The following SLIT1 variants were observed in gnomAD, a reference collection of about 807,000 sequenced individuals.
SLIT1 encodes the protein slit guidance ligand 1.
In SLIT1, 66 loss-of-function variants were observed where a neutral mutation model predicts 186.1. The observed-to-expected ratio is 0.35, with a 90% CI of 0.29 to 0.44. The LOEUF is 0.44. SLIT1 is among the 20% of genes least tolerant of loss of function. The pLI is 1.00. For missense variants in SLIT1, 1,638 were observed against 2,037.4 expected (o/e 0.80, Z 3.77); for synonymous variants, 761 against 833.8 (o/e 0.91, Z 1.50).
chr10:97,036,072 G>A (rs140442161), intron 22 of SLIT1, among the ~76,000 whole-genome samples: 18 of 152,288 alleles, frequency 1.2e-4, no homozygotes, highest in African/African-American at 2.6e-4. Flanking sequence ...AGGGGGCCAT[G>A]ACTTCGGGGC....
chr10:97,155,682 A>G (rs1849941072), intron 4 of SLIT1, among the ~76,000 whole-genome samples: 1 of 152,214 alleles, frequency 6.6e-6, no homozygotes, highest in Non-Finnish European at 1.5e-5. Context: ...GTAGAGGGCA[A>G]CGGATCACTA....
intron 4 of SLIT1, chr10:97,157,406 G>A (rs983665949): frequency 5.5e-6 from 1 of 183,330 alleles, no homozygotes; most frequent in Admixed American, 6.0e-5. Context: ...AGAAAGAGCT[G>A]AAAATAGAAA....
intron 31 of SLIT1, among the ~76,000 whole-genome samples, chr10:97,009,413 G>A (rs1848392361): frequency 6.6e-6 from 1 of 152,190 alleles, no homozygotes; most frequent in South Asian, 2.1e-4. Flanking sequence ...GACAAATAGT[G>A]CTAGTACAAC....
At position 97,039,968 on chromosome 10, in the gene SLIT1, C is replaced by A; in HGVS notation, c.2297+20G>T. 1 of 1,612,608 alleles carries A rather than the reference C, an allele frequency of 6.2e-7. No individual in the cohort carries two copies. The highest frequency in any genetic ancestry group is 8.5e-7 in the Non-Finnish European group (1 of 1,179,334). ...GTCCTGTGGACCCACGTGAAGGGGG[C>A]AAGGCCTTGAGCTACTCACAGTTCT... is the stretch of plus-strand genomic sequence containing the variant. On this transcript the variant is annotated intron_variant, in intron 21 of 36. Transcript: ENST00000266058.
At chr10:97,042,029 C>T (rs1848694579) in intron 20 of SLIT1, among the ~76,000 whole-genome samples, 1 of 151,928 alleles carries the variant, frequency 6.6e-6, no homozygotes, top group Admixed American at 6.5e-5. Flanking sequence ...ATAGTATAGA[C>T]TCTTTTTTAA....
Position 97,006,762 on chromosome 10 carries a change from GGGAGT to G in SLIT1, c.3342-47_3342-43del. The G allele has an allele frequency of 8.7e-6, 12 of 1,377,684 alleles. No individual in the cohort carries two copies. The highest frequency in any genetic ancestry group is 1.4e-5 in the African/African-American group (1 of 70,348). 85.3% of individuals were successfully genotyped at this position (1,377,684 alleles called of 1,614,324 possible). On this transcript the variant is annotated intron_variant, in intron 31 of 36. Transcript: ENST00000266058. The surrounding 1 kb of genome is among the most constrained non-coding windows in gnomAD (Gnocchi z 4.0). ...TAAGTCAGAGAGGGCCAAGGAGGAA[GGGAGT>G]ATCTTCCTCTCCCACAGCCCTGGAG...
rs778453079 is a variant in SLIT1, at chr10:97,042,952, G to A, written c.2113C>T (p.Arg705Trp). 14 of 1,614,090 alleles carry A rather than the reference G, an allele frequency of 8.7e-6. No homozygotes were observed. The highest frequency in any genetic ancestry group is 7.7e-5 in the South Asian group (7 of 91,084). The change falls in exon 20 of 37, where the codon CGG becomes TGG. Residue 705 changes from arginine (R) to tryptophan (W), a missense_variant. Arg to Trp is a moderately radical substitution (Grantham distance 101, BLOSUM62 -3). Around this residue, in one of 3 missense-constraint regions of SLIT1, gnomAD observed 1,245 missense variants for 1,535.3 expected, o/e 0.81. Coordinates refer to ENST00000266058, the MANE Select transcript of SLIT1 (RefSeq NM_003061.3). ...GCCACGTCCTGCAGGGGAATCTGCC[G>A]CAAAAAGTCAGGGTTCTGGCATCGC... Reference protein sequence around the residue: ...NPRCQNPDFLRQIPLQDVAFP... With the variant: ...NPRCQNPDFLWQIPLQDVAFP...
Position 97,110,652 on chromosome 10 carries a change from G to A in SLIT1, c.414-44566C>T, listed in dbSNP as rs1849456210. Among the ~76,000 whole-genome samples, 4 of 152,216 alleles carry A rather than the reference G, an allele frequency of 2.6e-5. No individual in the cohort carries two copies. The South Asian group carries it at 8.3e-4, about 32-fold the overall frequency. Reference sequence around the variant, plus strand: ...CTAAGGCTTACATATATACATCTATGTAGCAACACCAAAAAGGAAATCAAG... The same window carrying A: ...CTAAGGCTTACATATATACATCTATATAGCAACACCAAAAAGGAAATCAAG... On this transcript the variant is annotated intron_variant, in intron 4 of 36. Coordinates refer to ENST00000266058, the MANE Select transcript of SLIT1 (RefSeq NM_003061.3).
chr10:97,004,657 C>T lies in SLIT1; in HGVS notation c.3710+36G>A. 1 of 1,613,382 alleles carries T rather than the reference C, an allele frequency of 6.2e-7. No individual in the cohort carries two copies. The highest frequency in any genetic ancestry group is 8.5e-7 in the Non-Finnish European group (1 of 1,179,580). On this transcript the variant is annotated intron_variant, in intron 33 of 36. Coordinates refer to ENST00000266058, the MANE Select transcript of SLIT1 (RefSeq NM_003061.3). The surrounding 1 kb of genome is among the most constrained non-coding windows in gnomAD (Gnocchi z 5.1). ...AGACCTCGCCCTGGCAGTCCCGTAC[C>T]CCTGAGGGCAGCTGGGGGGCATAAG...
intron 13 of SLIT1, among the ~76,000 whole-genome samples, chr10:97,055,511 G>T (rs1429873972): frequency 2.0e-5 from 3 of 152,068 alleles, no homozygotes; most frequent in Non-Finnish European, 4.4e-5. Flanking sequence ...ACAGGTATGT[G>T]CCATCATACC....
In SLIT1 at chr10:97,010,966, C is replaced by T. The variant is rs1325487783; in HGVS notation, c.3341+27G>A. The T allele has an allele frequency of 1.9e-6, 3 of 1,611,750 alleles. No individual in the cohort carries two copies. Among genetic ancestry groups the T allele is most frequent in the Non-Finnish European group, 2.5e-6 (3 of 1,178,754 alleles). On this transcript the variant is annotated intron_variant, in intron 31 of 36. Coordinates refer to ENST00000266058, the MANE Select transcript of SLIT1 (RefSeq NM_003061.3). This position sits in a 1 kb window ranked among gnomAD's most constrained non-coding sequence, Gnocchi z 4.8. The stretch of plus-strand genomic sequence containing the variant: ...AGGGGCTGACAGCCACAAGGAGTCA[C>T]TCCTAGTGTGTCCAGGGGCTGCTCA...
At chr10:97,107,437 T>C (rs1399544741) in intron 4 of SLIT1, among the ~76,000 whole-genome samples, 4 of 152,012 alleles carry the variant, frequency 2.6e-5, no homozygotes, top group Non-Finnish European at 5.9e-5. Context: ...GGCCTCCCCT[T>C]CTCCCCAGAA....
At chr10:97,038,122 C>T (rs773789102) in intron 21 of SLIT1, among the ~76,000 whole-genome samples, 1 of 152,104 alleles carries the variant, frequency 6.6e-6, no homozygotes, top group Non-Finnish European at 1.5e-5. Flanking sequence ...CTGATTTGCA[C>T]GTTACCGGGC....
At chr10:97,165,485 C>A (rs1850092350) in intron 1 of SLIT1, among the ~76,000 whole-genome samples, 1 of 152,066 alleles carries the variant, frequency 6.6e-6, no homozygotes, top group Non-Finnish European at 1.5e-5. Context: ...GGCCCAAAGA[C>A]AAGGAAGAAC....
At chr10:97,042,808 G>A in intron 20 of SLIT1, 93 bp downstream of exon 20, 3 of 1,369,958 alleles carry the variant, frequency 2.2e-6, no homozygotes, top group East Asian at 2.3e-5. Context: ...GCCAGGGGGT[G>A]CTGCCTGTCC....
At chr10:97,062,550 G>A (rs758815688) in intron 8 of SLIT1, among the ~76,000 whole-genome samples, 2 of 152,246 alleles carry the variant, frequency 1.3e-5, no homozygotes, top group Non-Finnish European at 2.9e-5. Context: ...CCTCATGTAG[G>A]ATCACAGAAG....
At chr10:97,048,818 G>A (rs1848759593) in intron 14 of SLIT1, 137 bp downstream of exon 14, 1 of 802,330 alleles carries the variant, frequency 1.2e-6, no homozygotes, top group Non-Finnish European at 2.1e-6. Flanking sequence ...TATGCAGGTG[G>A]ACAGGTAGGC....
intron 6 of SLIT1, 59 bp downstream of exon 6, chr10:97,064,746 T>C: frequency 7.4e-7 from 1 of 1,345,894 alleles, no homozygotes; most frequent in Non-Finnish European, 1.0e-6. Flanking sequence ...GCTGCGGCAC[T>C]TGGCACCTGC....
chr10:97,097,471 TG>T (rs1007025379), intron 4 of SLIT1, among the ~76,000 whole-genome samples: 17 of 152,144 alleles, frequency 1.1e-4, no homozygotes, highest in African/African-American at 4.1e-4. Context: ...ACGGTGGCGG[TG>T]GGGTGGGGGT....
Sources: allele counts gnomAD v4.1 joint callset (sites outside exome capture counted in the v4.1 genomes callset), GRCh38; gene constraint gnomAD v4.1.1; regional missense constraint gnomAD v4.1.1; non-coding constraint Gnocchi (gnomAD v3.1); transcripts MANE v1.5; gene names NCBI Gene and HGNC (gene_info 2026-07-23, HGNC 2026-07-21).